CTR9: variants seen among roughly 807,000 people sequenced by gnomAD.
CTR9 encodes the protein CTR9 component of Paf1/RNA polymerase II complex.
A neutral mutation model predicts 152.1 loss-of-function variants in CTR9; 41 were observed. The ratio of observed to expected loss-of-function variants is 0.27; its 90% confidence interval spans 0.21 to 0.35. CTR9 has a LOEUF of 0.35. Among genes scored for constraint, CTR9 ranks in the 10% least tolerant of loss-of-function variants. The pLI is 1.00. For synonymous variants in CTR9, 476 were observed against 496.2 expected, an observed-to-expected ratio of 0.96 and a Z score of 0.54; for missense variants, 917 against 1,424.4, an observed-to-expected ratio of 0.64 and a Z score of 5.73.
In CTR9 at chr11:10,767,444, T is replaced by G; in HGVS notation, c.1687-362T>G. On this transcript the variant is annotated intron_variant, in intron 13 of 24. Transcript: ENST00000361367. This position sits in a 1 kb window ranked among gnomAD's most constrained non-coding sequence, Gnocchi z 4.0. ...TAATTTGCAGTAACTATTGCTGTTT[T>G]ATTTAACAGTGCCTTGTTGCTTTGT... 1 of 180,494 alleles carries G rather than the reference T, an allele frequency of 5.5e-6. No homozygotes were observed. Among genetic ancestry groups the G allele is most frequent in the South Asian group, 1.2e-4 (1 of 8,116 alleles). The allele number at this position is 180,494 out of a possible 1,614,324, so 11.2% of individuals were successfully genotyped here.
At chr11:10,769,834 G>A (rs1267129275) in intron 16 of CTR9, among the ~76,000 whole-genome samples, 1 of 152,180 alleles carries the variant, frequency 6.6e-6, no homozygotes, top group Non-Finnish European at 1.5e-5. Flanking sequence ...TAAGAAAGGT[G>A]TAGATGGTAA....
chr11:10,762,250 C>A (rs1381999990), intron 7 of CTR9, among the ~76,000 whole-genome samples, 196 bp downstream of exon 7: 1 of 151,888 alleles, frequency 6.6e-6, no homozygotes, highest in Admixed American at 6.6e-5. Flanking sequence ...ATTTATTGAC[C>A]CCTATATACT....
intron 16 of CTR9, among the ~76,000 whole-genome samples, chr11:10,769,982 G>T (rs1863117491): frequency 6.6e-6 from 1 of 152,206 alleles, no homozygotes; most frequent in Non-Finnish European, 1.5e-5. Flanking sequence ...CAAATGGAAA[G>T]AAACCATTTC....
intron 22 of CTR9, among the ~76,000 whole-genome samples, chr11:10,774,493 A>G (rs1437700325): frequency 6.6e-6 from 1 of 152,236 alleles, no homozygotes; most frequent in East Asian, 1.9e-4. Context: ...GTGCATGTGC[A>G]ATCTTGGAAA....
rs577173045 is a variant in CTR9 at position 10,779,657 on chromosome 11, G to A, written c.*552G>A. ...AAAATCACAAATGTATAATGTGTTAGGTTGAATAAGGTGTGGAAAATGCTT... is the reference window on the plus strand; with the variant it reads ...AAAATCACAAATGTATAATGTGTTAAGTTGAATAAGGTGTGGAAAATGCTT... On this transcript the variant is annotated 3_prime_UTR_variant, in exon 25 of 25. Coordinates refer to ENST00000361367, the MANE Select transcript of CTR9 (RefSeq NM_014633.5). 1 of 152,618 alleles carries A rather than the reference G, an allele frequency of 6.6e-6. No homozygotes were observed. The highest frequency in any genetic ancestry group is 6.5e-5 in the Admixed American group (1 of 15,322). The allele number at this position is 152,618 out of a possible 1,614,324, so 9.5% of individuals were successfully genotyped here. A position where few individuals can be genotyped will look rare whatever the true frequency, so the allele number is the denominator to read the frequency against.
chr11:10,766,412 C>T lies in CTR9; in HGVS notation c.1608C>T (p.Arg536=), dbSNP rs1253672242. 1.2e-6 allele frequency: 2 copies of T among 1,609,030 alleles called. No homozygotes were observed. Among genetic ancestry groups the T allele is most frequent in the Non-Finnish European group, 1.7e-6 (2 of 1,178,588 alleles). The change falls in exon 13 of 25, where the codon CGC becomes CGT. Residue 536 remains arginine (R), a synonymous_variant. Transcript: ENST00000361367. ...EHPNYVDCYL[R]LGAMARDKGN... ...TAAATATGTTTTCAGGCTATTTGCG[C>T]CTAGGAGCCATGGCTAGAGATAAGG...
Position 10,751,403 on chromosome 11 carries a change from T to G in CTR9, c.-10T>G, listed in dbSNP as rs767333729. The G allele has an allele frequency of 6.2e-7, 1 of 1,612,910 alleles. No individual in the cohort carries two copies. Among genetic ancestry groups the G allele is most frequent in the Non-Finnish European group, 8.5e-7 (1 of 1,179,984 alleles). Reference sequence around the variant, plus strand: ...CGGGGCGAGACACTTGCTCGCCTTTTGACCCCATCATGTCGCGGGGCTCCA... The same window carrying G: ...CGGGGCGAGACACTTGCTCGCCTTTGGACCCCATCATGTCGCGGGGCTCCA... On this transcript the variant is annotated 5_prime_UTR_variant, in exon 1 of 25. Transcript: ENST00000361367.
chr11:10,770,664 G>A, intron 18 of CTR9, 32 bp downstream of exon 18: 3 of 1,589,202 alleles, frequency 1.9e-6, no homozygotes, highest in Non-Finnish European at 1.7e-6. Flanking sequence ...CCTATGAAAT[G>A]CTTTATTTGG....
At chr11:10,755,330 G>T in intron 3 of CTR9, 133 bp downstream of exon 3, 1 of 1,092,196 alleles carries the variant, frequency 9.2e-7, no homozygotes, top group East Asian at 2.4e-5. Flanking sequence ...AAAGAAGAAA[G>T]GTTCCTCATT....
Position 10,778,831 on chromosome 11 carries a change from A to T in CTR9, c.3248A>T (p.Gln1083Leu). 6.2e-7 allele frequency: 1 copy of T among 1,614,256 alleles called. No homozygotes were observed. Among genetic ancestry groups the T allele is most frequent in the African/African-American group, 1.3e-5 (1 of 75,070 alleles). ...AGGCCACGAAGACAGCGGTCAGATC[A>T]GGACTCAGACAGTGACCAGCCATCC... is the stretch of plus-strand genomic sequence containing the variant. ...PRRPRRQRSD[Q>L]DSDSDQPSRK... is the part of the protein sequence containing the mutation. The change falls in exon 25 of 25, where the codon CAG becomes CTG. Residue 1083 changes from glutamine (Q) to leucine (L), a missense_variant. Physicochemically the swap from Gln to Leu is moderately radical, Grantham distance 113. Transcript: ENST00000361367.
intron 4 of CTR9, 152 bp from the exon 5 acceptor site, chr11:10,756,597 T>G: frequency 1.9e-6 from 1 of 533,624 alleles, no homozygotes; most frequent in Non-Finnish European, 3.2e-6. Flanking sequence ...AGTATACTTT[T>G]ATGAAAAACA....
chr11:10,776,355 C>T (rs1004461098), intron 24 of CTR9, among the ~76,000 whole-genome samples: 1 of 152,162 alleles, frequency 6.6e-6, no homozygotes, highest in Admixed American at 6.5e-5. Flanking sequence ...GTACCTGCTC[C>T]GTGGAGGACT....
chr11:10,752,942 A>G (rs916948570), intron 2 of CTR9, among the ~76,000 whole-genome samples, 172 bp downstream of exon 2: 2 of 152,318 alleles, frequency 1.3e-5, no homozygotes, highest in East Asian at 3.9e-4. Flanking sequence ...TTCCTAAATG[A>G]TATGCTGCTC....
At position 10,758,712 on chromosome 11, in the gene CTR9, C is replaced by CT. The variant is rs1336964275; in HGVS notation, c.593-1452dup. Among the ~76,000 whole-genome samples, 6 of 151,260 alleles carry CT rather than the reference C, an allele frequency of 4.0e-5. No homozygotes were observed. In the South Asian group the frequency reaches 8.4e-4, roughly 21 times the overall value. The stretch of plus-strand genomic sequence containing the variant: ...CGTGGCATGCAGTTGCAATTTCTGC[C>CT]TTTTTTTTTCTGTAAACAATTAAGA... On this transcript the variant is annotated intron_variant, in intron 5 of 24. Transcript: ENST00000361367.
chr11:10,771,460 T>C (rs919970295), intron 18 of CTR9, 85 bp from the exon 19 acceptor site: 1 of 1,001,618 alleles, frequency 1.0e-6, no homozygotes, highest in African/African-American at 1.6e-5. Context: ...TTCTCAGACT[T>C]TGTAGCACAG....
At chr11:10,774,680 C>T (rs367914072) in intron 22 of CTR9, among the ~76,000 whole-genome samples, 2 of 152,336 alleles carry the variant, frequency 1.3e-5, no homozygotes, top group African/African-American at 4.8e-5. Flanking sequence ...GCCTCCTAAG[C>T]TACTTTGGCC....
At chr11:10,762,792 C>T (rs117122859) in intron 7 of CTR9, among the ~76,000 whole-genome samples, 3,690 of 151,984 alleles carry the variant, frequency 0.024, 136 homozygotes, top group East Asian at 0.19. Flanking sequence ...TTGCTTGAGC[C>T]CAGGAGTTCA....
At chr11:10,765,551 T>G (rs1863046184) in intron 12 of CTR9, among the ~76,000 whole-genome samples, 1 of 152,172 alleles carries the variant, frequency 6.6e-6, no homozygotes, top group Admixed American at 6.5e-5. Flanking sequence ...AACCTCTGCC[T>G]CCCGGGTTGG....
chr11:10,755,397 A>T (rs1233814604), intron 3 of CTR9, among the ~76,000 whole-genome samples, 200 bp downstream of exon 3: 1 of 152,258 alleles, frequency 6.6e-6, no homozygotes, highest in Non-Finnish European at 1.5e-5. Flanking sequence ...AATGTAGTAC[A>T]TAAAACTTGC....
Sources: allele counts gnomAD v4.1 joint callset (sites outside exome capture counted in the v4.1 genomes callset), GRCh38; gene constraint gnomAD v4.1.1; non-coding constraint Gnocchi (gnomAD v3.1); transcripts MANE v1.5; gene names NCBI Gene and HGNC (gene_info 2026-07-23, HGNC 2026-07-21).